Variants in COL25A1 observed in about 807,000 individuals in gnomAD.
COL25A1 encodes the protein collagen alpha-1(XXV) chain.
COL25A1 carries 103 observed loss-of-function variants against 128.4 expected under a neutral mutation model. The ratio of observed to expected loss-of-function variants is 0.80; its 90% confidence interval spans 0.68 to 0.94. The LOEUF (loss-of-function observed/expected upper bound fraction) is 0.94, where lower values mean the gene tolerates loss of function less well. Ranked by LOEUF, COL25A1 falls within the 40% of genes least tolerant of loss-of-function variation. COL25A1 has a pLI of 0.00. For missense variants in COL25A1, 745 were observed against 840.0 expected (o/e 0.89, Z 1.40); for synonymous variants, 279 against 277.2 (o/e 1.01, Z -0.06).
At chr4:109,016,307 C>T (rs1757211430) in intron 5 of COL25A1, among the ~76,000 whole-genome samples, 2 of 152,248 alleles carry the variant, frequency 1.3e-5, no homozygotes, top group Admixed American at 6.5e-5. Context: ...ACTTTAAGTG[C>T]CAATGAGCAA....
At chr4:108,824,027 AC>A in intron 35 of COL25A1, 146 bp downstream of exon 35, 6 of 1,609,682 alleles carry the variant, frequency 3.7e-6, no homozygotes, top group Non-Finnish European at 5.1e-6. Flanking sequence ...CTCTCTGAAG[AC>A]CTGATTCCTT....
intron 3 of COL25A1, among the ~76,000 whole-genome samples, chr4:109,164,907 T>C (rs1772922001): frequency 6.6e-6 from 1 of 152,216 alleles, no homozygotes; most frequent in African/African-American, 2.4e-5. Context: ...AATTTGCTTA[T>C]TACTAAGTCT....
intron 5 of COL25A1, among the ~76,000 whole-genome samples, chr4:109,036,421 A>G (rs975674989): frequency 1.3e-5 from 2 of 152,218 alleles, no homozygotes; most frequent in Admixed American, 1.3e-4. Context: ...AACTCATGCC[A>G]TATAATGTAC....
chr4:109,048,089 A>C (rs1760617521), intron 5 of COL25A1, 79 bp downstream of exon 5: 1 of 1,434,068 alleles, frequency 7.0e-7, no homozygotes, highest in South Asian at 1.1e-5. Context: ...TAGAGACTAT[A>C]TTTTGGTGTT....
chr4:109,172,323 G>A (rs1438787614), intron 3 of COL25A1, among the ~76,000 whole-genome samples: 1 of 152,108 alleles, frequency 6.6e-6, no homozygotes, highest in Non-Finnish European at 1.5e-5. Context: ...CAAAAAATGC[G>A]ATAAGATATA....
chr4:109,117,572 G>C (rs1331124911), intron 3 of COL25A1, among the ~76,000 whole-genome samples: 1 of 151,942 alleles, frequency 6.6e-6, no homozygotes, highest in Non-Finnish European at 1.5e-5. Flanking sequence ...AAGTGCATCA[G>C]GGAATGACTA....
chr4:109,192,943 C>T (rs938266508), intron 3 of COL25A1, among the ~76,000 whole-genome samples: 10 of 152,030 alleles, frequency 6.6e-5, no homozygotes, highest in Non-Finnish European at 1.0e-4. Context: ...CATGGCCATC[C>T]GCAAGCCAAC....
intron 3 of COL25A1, among the ~76,000 whole-genome samples, chr4:109,145,129 C>T (rs571181811): frequency 2.6e-4 from 37 of 143,508 alleles, no homozygotes; most frequent in Admixed American, 3.7e-4. Flanking sequence ...AGTGCAGTGG[C>T]GCAATCTGGG....
chr4:109,069,308 C>T (rs1482412783), intron 3 of COL25A1, among the ~76,000 whole-genome samples: 1 of 151,692 alleles, frequency 6.6e-6, no homozygotes, highest in East Asian at 1.9e-4. Flanking sequence ...ACCTCCCTGG[C>T]TCAATCAATT....
chr4:109,059,974 A>T (rs1761813357), intron 3 of COL25A1, among the ~76,000 whole-genome samples: 1 of 152,230 alleles, frequency 6.6e-6, no homozygotes, highest in Non-Finnish European at 1.5e-5. Flanking sequence ...GAAATCAGCC[A>T]TAAGGACCTA....
chr4:108,889,515 T>C (rs988478301), intron 17 of COL25A1, among the ~76,000 whole-genome samples, 186 bp downstream of exon 17: 1 of 151,706 alleles, frequency 6.6e-6, no homozygotes, highest in Admixed American at 6.6e-5. Context: ...AATGCAAGAC[T>C]TCTTATTTAA....
intron 8 of COL25A1, among the ~76,000 whole-genome samples, chr4:108,945,202 T>C (rs1003517099): frequency 6.6e-6 from 1 of 152,218 alleles, no homozygotes; most frequent in Non-Finnish European, 1.5e-5. Flanking sequence ...ATATATATTA[T>C]AGGGTTTTAG....
chr4:108,838,794 A>G (rs1172775120), intron 31 of COL25A1, among the ~76,000 whole-genome samples: 1 of 152,206 alleles, frequency 6.6e-6, no homozygotes. Flanking sequence ...TTTACTAACT[A>G]TCCATCTGCC....
At chr4:108,984,820 A>AGGGCTCCTCAAG (rs1382411853) in intron 6 of COL25A1, among the ~76,000 whole-genome samples, 1 of 152,234 alleles carries the variant, frequency 6.6e-6, no homozygotes, top group African/African-American at 2.4e-5. Flanking sequence ...GGCGGGCTGA[A>AGGGCTCCTCAAG]GGGCTCCTCA....
At chr4:109,068,492 A>G (rs2125979025) in intron 3 of COL25A1, among the ~76,000 whole-genome samples, 1 of 152,244 alleles carries the variant, frequency 6.6e-6, no homozygotes, top group South Asian at 2.1e-4. Context: ...TCGGAGGGAA[A>G]GCAAACAAAC....
At chr4:108,844,313 A>G (rs922486697) in intron 30 of COL25A1, among the ~76,000 whole-genome samples, 8 of 152,074 alleles carry the variant, frequency 5.3e-5, no homozygotes, top group Non-Finnish European at 7.4e-5. Flanking sequence ...TCGCAAAACT[A>G]CTCTATCTCT....
intron 13 of COL25A1, among the ~76,000 whole-genome samples, chr4:108,913,041 T>C (rs893325014): frequency 3.3e-5 from 5 of 152,058 alleles, no homozygotes; most frequent in African/African-American, 1.2e-4. Flanking sequence ...TAGAAAGCAC[T>C]TAAAATTGCA....
At position 109,013,539 on chromosome 4, in the gene COL25A1, ACT is replaced by A. The variant is rs998141940; in HGVS notation, c.421-3166_421-3165del. 1.3e-4 allele frequency among the ~76,000 whole-genome samples: 14 copies of A among 103,802 alleles called. No homozygotes were observed. The East Asian group carries it at 3.1e-3, about 23-fold the overall frequency. The allele number at this position is 103,802 out of a possible 152,430, so 68.1% of individuals were successfully genotyped here. On this transcript the variant is annotated intron_variant, in intron 5 of 37. Coordinates refer to ENST00000399132, the MANE Select transcript of COL25A1 (RefSeq NM_198721.4). ...TTTGCAATAAATCTTGCTGCTGCTCACTCTTTGGGTCCACACTGCCTTTATGA... is the reference window on the plus strand; with the variant it reads ...TTTGCAATAAATCTTGCTGCTGCTCACTTTGGGTCCACACTGCCTTTATGA...
At position 109,253,103 on chromosome 4, in the gene COL25A1, C is replaced by A. The variant is rs1055361959; in HGVS notation, c.367+47480G>T. ...ATGAGAAAGCCAATTCCAGAAACCC[C>A]ATAACCAATTCAGAAAACTCAAACT... On this transcript the variant is annotated intron_variant, in intron 3 of 37. Transcript: ENST00000399132. Among the ~76,000 whole-genome samples the A allele has an allele frequency of 2.6e-5, 4 of 152,162 alleles. No individual in the cohort carries two copies. The South Asian group carries it at 6.2e-4, about 24-fold the overall frequency.
Sources: allele counts gnomAD v4.1 joint callset (sites outside exome capture counted in the v4.1 genomes callset), GRCh38; gene constraint gnomAD v4.1.1; transcripts MANE v1.5; gene names NCBI Gene and HGNC (gene_info 2026-07-23, HGNC 2026-07-21).